The following RANBP2 variants were observed in gnomAD, a reference collection of about 807,000 sequenced individuals.
The protein encoded by RANBP2 is E3 SUMO-protein ligase RanBP2.
RANBP2 carries 57 observed loss-of-function variants against 303.6 expected under a neutral mutation model. That is an observed-to-expected ratio of 0.19 (90% CI 0.15 to 0.23). The LOEUF (loss-of-function observed/expected upper bound fraction) is 0.23, where lower values mean the gene tolerates loss of function less well. Ranked by LOEUF, RANBP2 falls within the 10% of genes least tolerant of loss-of-function variation. RANBP2 has a pLI of 1.00. For missense variants in RANBP2, 3,138 were observed against 3,780.8 expected (o/e 0.83, Z 4.46); for synonymous variants, 1,167 against 1,301.5 (o/e 0.90, Z 2.23).
intron 4 of RANBP2, 63 bp downstream of exon 4, chr2:108,731,537 T>C (rs1695170193): frequency 1.2e-6 from 2 of 1,607,868 alleles, no homozygotes; most frequent in Admixed American, 3.4e-5. Flanking sequence ...ATTTGGAATT[T>C]AAATTACTTT....
the RANBP2 span, among the ~76,000 whole-genome samples, chr2:108,900,451 G>A: frequency 1.3e-5 from 2 of 152,082 alleles, no homozygotes; most frequent in Non-Finnish European, 2.9e-5. Context: ...CTACTTGGGA[G>A]GCTGAGGCAG....
At chr2:109,039,953 A>T in the RANBP2 span, among the ~76,000 whole-genome samples, 1 of 152,174 alleles carries the variant, frequency 6.6e-6, no homozygotes, top group African/African-American at 2.4e-5. Flanking sequence ...TCATTTAATA[A>T]ATTAAAGTTC....
At chr2:109,417,905 T>G in the RANBP2 span, among the ~76,000 whole-genome samples, 24 of 152,174 alleles carry the variant, frequency 1.6e-4, no homozygotes, top group African/African-American at 5.8e-4. Flanking sequence ...CAGTGAGTAA[T>G]GAGAAAGCTA....
At chr2:108,772,668 A>G in intron 22 of RANBP2, 87 bp downstream of exon 22, 4 of 1,380,488 alleles carry the variant, frequency 2.9e-6, no homozygotes, top group Non-Finnish European at 4.0e-6. Context: ...TTCTATAATT[A>G]TCGATTTTAC....
chr2:109,220,135 A>G, the RANBP2 span, among the ~76,000 whole-genome samples: 4 of 152,260 alleles, frequency 2.6e-5, no homozygotes, highest in Non-Finnish European at 5.9e-5. Context: ...TGTATGGTCC[A>G]TTGGTTTTTC....
In RANBP2 at chr2:108,756,171, A is replaced by C. The variant is rs114849189; in HGVS notation, c.2466+912A>C. Among the ~76,000 whole-genome samples the C allele has an allele frequency of 6.9e-3, 1,050 of 152,302 alleles. 13 individuals are homozygous for C. The highest frequency in any genetic ancestry group is 0.024 in the African/African-American group (993 of 41,562). ...CTGAGTGATTGAACTGCTACCATGTACTAATCATACTCTGGTCTATGAGTT... is the reference window on the plus strand; with the variant it reads ...CTGAGTGATTGAACTGCTACCATGTCCTAATCATACTCTGGTCTATGAGTT... On this transcript the variant is annotated intron_variant, in intron 17 of 28. Coordinates refer to ENST00000283195, the MANE Select transcript of RANBP2 (RefSeq NM_006267.5).
the RANBP2 span, among the ~76,000 whole-genome samples, chr2:108,913,408 A>T: frequency 6.6e-6 from 1 of 152,226 alleles, no homozygotes; most frequent in African/African-American, 2.4e-5. Context: ...TGTGTACATG[A>T]AAGTACTATT....
At chr2:108,997,957 T>C in the RANBP2 span, among the ~76,000 whole-genome samples, 2 of 152,322 alleles carry the variant, frequency 1.3e-5, no homozygotes, top group Middle Eastern at 3.4e-3. Context: ...ATGAGCAAGC[T>C]GGCTAAGTCC....
chr2:108,763,026 T>C (rs1676846723), intron 19 of RANBP2, among the ~76,000 whole-genome samples: 1 of 152,182 alleles, frequency 6.6e-6, no homozygotes. Flanking sequence ...GTTATTTATA[T>C]CCTACTGCTC....
At chr2:109,166,511 T>C in the RANBP2 span, among the ~76,000 whole-genome samples, 1 of 151,014 alleles carries the variant, frequency 6.6e-6, no homozygotes, top group Non-Finnish European at 1.5e-5. Flanking sequence ...GTCAAGCTCA[T>C]TGGTAGTGTT....
chr2:109,416,497 G>T, the RANBP2 span, among the ~76,000 whole-genome samples: 1 of 152,150 alleles, frequency 6.6e-6, no homozygotes, highest in Non-Finnish European at 1.5e-5. Flanking sequence ...CAATTTTCCT[G>T]CCTCAGCCTC....
the RANBP2 span, among the ~76,000 whole-genome samples, chr2:109,630,834 G>A: frequency 1.3e-5 from 2 of 152,220 alleles, no homozygotes; most frequent in African/African-American, 2.4e-5. Context: ...GGTAGGCCAA[G>A]ACAGGCAGAT....
chr2:109,321,342 C>T, the RANBP2 span, among the ~76,000 whole-genome samples: 1 of 152,200 alleles, frequency 6.6e-6, no homozygotes, highest in Admixed American at 6.5e-5. Context: ...ATTGCCTCTT[C>T]CATACCAGAA....
the RANBP2 span, among the ~76,000 whole-genome samples, chr2:109,479,113 A>T: frequency 3.3e-5 from 5 of 152,236 alleles, no homozygotes; most frequent in East Asian, 9.7e-4. Context: ...ACACTTCTCA[A>T]CGTGGACAGC....
chr2:108,768,208 A>G lies in RANBP2; in HGVS notation c.7669A>G (p.Asn2557Asp), dbSNP rs575319797. ...TTTTAATGCACCTTTGAAAAGTAAC[A>G]ATAGTGAAACTAGTTCAGTAGCCCA... ...FSFNAPLKSN[N>D]SETSSVAQSG... is the part of the protein sequence containing the mutation. Residue 2557 changes from asparagine to aspartate, a missense_variant, in exon 20 of 29, where the codon AAT becomes GAT. Physicochemically the swap from Asn to Asp is conservative, Grantham distance 23. This residue lies in a region of RANBP2 where 497 missense variants were observed against 465.8 expected (regional missense o/e 1.07). Coordinates refer to ENST00000283195, the MANE Select transcript of RANBP2 (RefSeq NM_006267.5). 2.1e-4 allele frequency: 336 copies of G among 1,612,026 alleles called. 2 individuals are homozygous for G. In the South Asian group the frequency reaches 3.4e-3, roughly 16 times the overall value.
the RANBP2 span, among the ~76,000 whole-genome samples, chr2:109,669,707 AC>A: frequency 1.3e-5 from 2 of 152,024 alleles, no homozygotes; most frequent in African/African-American, 4.8e-5. Flanking sequence ...GGTTCTGACA[AC>A]CCTCACCGCC....
chr2:109,288,509 A>G, the RANBP2 span, among the ~76,000 whole-genome samples: 3 of 152,214 alleles, frequency 2.0e-5, no homozygotes, highest in African/African-American at 7.2e-5. Flanking sequence ...AAATAGAGGC[A>G]CCCCAGGTGA....
At chr2:108,853,218 C>T in the RANBP2 span, among the ~76,000 whole-genome samples, 3 of 152,202 alleles carry the variant, frequency 2.0e-5, no homozygotes, top group East Asian at 1.9e-4. Context: ...AGTCATTGTA[C>T]TTGATTGTTT....
At chr2:108,806,785 A>G in the RANBP2 span, among the ~76,000 whole-genome samples, 1 of 152,256 alleles carries the variant, frequency 6.6e-6, no homozygotes, top group Non-Finnish European at 1.5e-5. Context: ...AATTTATGCT[A>G]ACACTGGATA....
Sources: allele counts gnomAD v4.1 joint callset (sites outside exome capture counted in the v4.1 genomes callset), GRCh38; gene constraint gnomAD v4.1.1; regional missense constraint gnomAD v4.1.1; transcripts MANE v1.5; gene names NCBI Gene and HGNC (gene_info 2026-07-23, HGNC 2026-07-21).